The following CHL1 variants were observed in gnomAD, a reference collection of about 807,000 sequenced individuals.
The protein encoded by CHL1 is neural cell adhesion molecule L1-like protein.
CHL1 carries 96 observed loss-of-function variants against 141.9 expected under a neutral mutation model. That is an observed-to-expected ratio of 0.68 (90% CI 0.57 to 0.80). The LOEUF (loss-of-function observed/expected upper bound fraction) is 0.80, where lower values mean the gene tolerates loss of function less well. Ranked by LOEUF, CHL1 falls within the 30% of genes least tolerant of loss-of-function variation. The pLI, the probability that CHL1 is intolerant of heterozygous loss-of-function variation, is 0.00. For missense variants in CHL1, 1,820 were observed against 1,457.2 expected (o/e 1.25, Z -4.05); for synonymous variants, 613 against 502.2 (o/e 1.22, Z -2.95).
At chr3:248,409 T>C (rs1226126666) in intron 2 of CHL1, 1 of 152,122 alleles carries the variant, frequency 6.6e-6, no homozygotes, top group African/African-American at 2.4e-5. Flanking sequence ...TTTTAAAGCA[T>C]AGGTCTGTGA....
chr3:243,523 T>C (rs747484588), intron 1 of CHL1, among the ~76,000 whole-genome samples: 24 of 152,296 alleles, frequency 1.6e-4, no homozygotes, highest in Middle Eastern at 3.4e-3. Context: ...CTGTGCAGTG[T>C]GTCACTTGGT....
chr3:358,766 A>C (rs1297464625), intron 11 of CHL1, among the ~76,000 whole-genome samples: 1 of 151,882 alleles, frequency 6.6e-6, no homozygotes, highest in Non-Finnish European at 1.5e-5. Context: ...TTTTATTTCA[A>C]TATGTAGTAT....
At position 344,713 on chromosome 3, in the gene CHL1, A is replaced by T; in HGVS notation, c.848+4A>T. 1 of 1,613,514 alleles carries T rather than the reference A, an allele frequency of 6.2e-7. No homozygotes were observed. The highest frequency in any genetic ancestry group is 1.1e-5 in the South Asian group (1 of 90,964). On this transcript the variant is annotated splice_donor_region_variant and intron_variant, in intron 9 of 27. Transcript: ENST00000256509. Reference sequence around the variant, plus strand: ...TTGAGTGTTTTGCTGAAGGCTTGTGAGTAACCTGACTCTCACTCATGACTT... The same window carrying T: ...TTGAGTGTTTTGCTGAAGGCTTGTGTGTAACCTGACTCTCACTCATGACTT...
intron 2 of CHL1, among the ~76,000 whole-genome samples, chr3:260,962 C>A (rs73092560): frequency 6.6e-6 from 1 of 152,238 alleles, no homozygotes; most frequent in South Asian, 2.1e-4. Context: ...GCCATTCCGT[C>A]GGCCTTATTT....
chr3:300,733 T>C (rs1698649582), intron 2 of CHL1, among the ~76,000 whole-genome samples: 1 of 151,718 alleles, frequency 6.6e-6, no homozygotes, highest in Non-Finnish European at 1.5e-5. Context: ...GAAACTGAGA[T>C]AAGTGCTCTC....
At chr3:333,122 C>CTCTTTTTTTTTTTTTT (rs1383301108) in intron 5 of CHL1, among the ~76,000 whole-genome samples, 1 of 14,302 alleles carries the variant, frequency 7.0e-5, no homozygotes, top group Non-Finnish European at 2.5e-4. Context: ...GATAATTGCT[C>CTCTTTTTTTTTTTTTT]TATTTTTTTT....
chr3:398,082 TTTTCTTG>T, intron 24 of CHL1, 138 bp from the exon 25 acceptor site: 1 of 463,138 alleles, frequency 2.2e-6, no homozygotes, highest in Non-Finnish European at 3.8e-6. Context: ...GAAATGTTGA[TTTTCTTG>T]ATCTCCTGGT....
In CHL1 at chr3:338,182, G is replaced by A. The variant is rs571068199; in HGVS notation, c.386-2612G>A. Among the ~76,000 whole-genome samples the A allele has an allele frequency of 3.0e-4, 46 of 152,254 alleles. 1 individual carries two copies. The highest frequency in any genetic ancestry group is 8.7e-4 in the African/African-American group (36 of 41,550). On this transcript the variant is annotated intron_variant, in intron 5 of 27. Transcript: ENST00000256509. ...AGACTGTTATGTGCAAGTTGATTCT[G>A]ATCCCTTTGCAGAGAGGCCATTCAG...
At chr3:234,613 G>A (rs549801723) in intron 1 of CHL1, among the ~76,000 whole-genome samples, 2 of 152,118 alleles carry the variant, frequency 1.3e-5, no homozygotes, top group South Asian at 2.1e-4. Context: ...CCCCCATGCT[G>A]GTGAGGCACG....
intron 9 of CHL1, among the ~76,000 whole-genome samples, chr3:345,974 G>C (rs919273508): frequency 1.3e-5 from 2 of 152,088 alleles, no homozygotes; most frequent in Admixed American, 1.3e-4. Flanking sequence ...CTACCATTGA[G>C]GATACCTTGG....
rs1001013002 is a variant in CHL1, at chr3:351,887, G to T, written c.1033+2344G>T. Reference sequence around the variant, plus strand: ...ACAACTGTATATTCTAAATATCTAAGATATGATTAATTACACATTCAATAA... The same window carrying T: ...ACAACTGTATATTCTAAATATCTAATATATGATTAATTACACATTCAATAA... On this transcript the variant is annotated intron_variant, in intron 10 of 27. Transcript: ENST00000256509. Among the ~76,000 whole-genome samples the T allele has an allele frequency of 1.3e-5, 2 of 152,016 alleles. 1 individual carries two copies. Among genetic ancestry groups the T allele is most frequent in the East Asian group, 3.8e-4 (2 of 5,202 alleles).
chr3:400,560 C>T (rs559117220), intron 26 of CHL1, among the ~76,000 whole-genome samples: 139 of 143,352 alleles, frequency 9.7e-4, no homozygotes, highest in African/African-American at 3.1e-3. Context: ...TAAAATGTTC[C>T]AGGAAGAACA....
rs1468789358 is a variant in CHL1 at position 361,634 on chromosome 3, A to C, written c.1307-65A>C. ...GTATTCGTATGACTAGGACATAGAA[A>C]AATTTAATTTGCATATCTTTCTTCC... On this transcript the variant is annotated intron_variant, in intron 12 of 27. Transcript: ENST00000256509. 9.0e-6 allele frequency: 10 copies of C among 1,116,730 alleles called. No homozygotes were observed. In the African/African-American group the frequency reaches 1.4e-4, roughly 16 times the overall value. 69.2% of individuals were successfully genotyped at this position (1,116,730 alleles called of 1,614,324 possible).
intron 1 of CHL1, chr3:217,636 T>G (rs1337218150): frequency 1.3e-5 from 2 of 152,400 alleles, no homozygotes; most frequent in Non-Finnish European, 2.9e-5. Context: ...TTTGGCCCCA[T>G]CTGGAATGGA....
At chr3:205,641 C>CTGTG (rs141526826) in intron 1 of CHL1, among the ~76,000 whole-genome samples, 4 of 150,406 alleles carry the variant, frequency 2.7e-5, no homozygotes, top group Non-Finnish European at 4.4e-5. Context: ...TTGTGTGTGT[C>CTGTG]TGTGTGTGTG....
At chr3:402,380 G>A (rs770576781) in intron 27 of CHL1, among the ~76,000 whole-genome samples, 13 of 152,264 alleles carry the variant, frequency 8.5e-5, no homozygotes, top group Middle Eastern at 6.8e-3. Flanking sequence ...TTTCGGGGAC[G>A]TGTTAAACTG....
chr3:282,497 G>A (rs1465549513), intron 2 of CHL1, among the ~76,000 whole-genome samples: 4 of 152,078 alleles, frequency 2.6e-5, no homozygotes, highest in Non-Finnish European at 5.9e-5. Flanking sequence ...TAGCTTGAAG[G>A]ATCCTTAACA....
At position 382,236 on chromosome 3, in the gene CHL1, G is replaced by C; in HGVS notation, c.1934G>C (p.Arg645Pro). 6.2e-7 allele frequency: 1 copy of C among 1,613,728 alleles called. No individual in the cohort carries two copies. Among genetic ancestry groups the C allele is most frequent in the Non-Finnish European group, 8.5e-7 (1 of 1,179,738 alleles). Residue 645 changes from arginine (R) to proline (P), a missense_variant, in exon 17 of 28, where the codon CGG (arginine) becomes CCG (proline). Transcript: ENST00000256509. ...HLSERQNRSV[R>P]LTWEAGADHN... ...TCTGAAAGACAGAACAGGAGTGTTC[G>C]GCTGACCTGGGAAGCTGGAGCTGAC... is the stretch of plus-strand genomic sequence containing the variant.
intron 1 of CHL1, among the ~76,000 whole-genome samples, chr3:222,864 G>T (rs1700977793): frequency 1.3e-5 from 2 of 152,104 alleles, no homozygotes; most frequent in Admixed American, 1.3e-4. Flanking sequence ...ATATTTTGGG[G>T]TGAAATTCTC....
Sources: allele counts gnomAD v4.1 joint callset (sites outside exome capture counted in the v4.1 genomes callset), GRCh38; gene constraint gnomAD v4.1.1; transcripts MANE v1.5; gene names NCBI Gene and HGNC (gene_info 2026-07-23, HGNC 2026-07-21).